Variants in FREM1 observed in about 807,000 individuals in gnomAD.
FREM1 encodes the protein FRAS1 related extracellular matrix 1.
A neutral mutation model predicts 210.1 loss-of-function variants in FREM1; 220 were observed. That is an observed-to-expected ratio of 1.05 (90% confidence interval 0.94 to 1.17). The LOEUF (loss-of-function observed/expected upper bound fraction) is 1.17. Among genes scored for constraint, FREM1 ranks in the 50% most tolerant of loss-of-function variants. The pLI, the probability that FREM1 is intolerant of heterozygous loss-of-function variation, is 0.00. For missense variants in FREM1, 3,454 were observed against 2,675.5 expected (o/e 1.29, Z -6.42); for synonymous variants, 1,189 against 980.2 (o/e 1.21, Z -3.98).
chr9:14,818,980 G>A lies in FREM1; in HGVS notation c.2546+254C>T, dbSNP rs753092459. On this transcript the variant is annotated intron_variant, in intron 14 of 36. Transcript: ENST00000380880. The stretch of plus-strand genomic sequence containing the variant: ...CAGTTACTGCCAATTTAATATTCAC[G>A]GCAATTAAATTTTTATTGTTCAAAT... Among the ~76,000 whole-genome samples the A allele has an allele frequency of 4.6e-5, 7 of 152,056 alleles. 1 individual carries two copies. The highest frequency in any genetic ancestry group is 3.4e-3 in the Middle Eastern group (1 of 294).
Position 14,842,353 on chromosome 9 carries a change from A to T in FREM1, c.1701T>A (p.Ala567=). 1.2e-6 allele frequency: 2 copies of T among 1,604,400 alleles called. No homozygotes were observed. Among genetic ancestry groups the T allele is most frequent in the Non-Finnish European group, 1.7e-6 (2 of 1,173,920 alleles). The change falls in exon 9 of 37, where the codon GCT becomes GCA. Residue 567 remains alanine, a synonymous_variant. Coordinates refer to ENST00000380880, the MANE Select transcript of FREM1 (RefSeq NM_001379081.2). Reference sequence around the variant, plus strand: ...GCCCTGGCTTCTTCATGATCTCCCCAGCCTGTGGAGGCTTTGTGATATTGA... The same window carrying T: ...GCCCTGGCTTCTTCATGATCTCCCCTGCCTGTGGAGGCTTTGTGATATTGA... ...IFFNITKPPQ[A]GEIMKKPGPG...
At chr9:14,797,269 T>C (rs955278600) in intron 21 of FREM1, among the ~76,000 whole-genome samples, 1 of 152,210 alleles carries the variant, frequency 6.6e-6, no homozygotes, top group African/African-American at 2.4e-5. Context: ...TACAACTAAT[T>C]AGTATGTTTA....
At chr9:14,760,834 A>G (rs1243679547) in intron 27 of FREM1, among the ~76,000 whole-genome samples, 1 of 152,046 alleles carries the variant, frequency 6.6e-6, no homozygotes, top group Non-Finnish European at 1.5e-5. Flanking sequence ...ACCCAGAAAC[A>G]TTTTCCTTTT....
chr9:14,813,658 C>T lies in FREM1; in HGVS notation c.2641-594G>A, dbSNP rs781059523. 7.2e-5 allele frequency among the ~76,000 whole-genome samples: 11 copies of T among 152,142 alleles called. No individual in the cohort carries two copies. The South Asian group carries it at 1.0e-3, about 14-fold the overall frequency. On this transcript the variant is annotated intron_variant, in intron 15 of 36. Coordinates refer to ENST00000380880, the MANE Select transcript of FREM1 (RefSeq NM_001379081.2). ...ACAAAATGTTTTTCTCTCACTTTCA[C>T]GAAAATAAAACTCCAAGTAAAAAGG... is the stretch of plus-strand genomic sequence containing the variant.
At chr9:14,774,151 C>T (rs773905946) in intron 25 of FREM1, 1 of 518,908 alleles carries the variant, frequency 1.9e-6, no homozygotes. Context: ...GCCAAGGACT[C>T]ATCCAGCATC....
At chr9:14,901,886 C>T (rs1209973792) in intron 1 of FREM1, among the ~76,000 whole-genome samples, 1 of 152,122 alleles carries the variant, frequency 6.6e-6, no homozygotes, top group Non-Finnish European at 1.5e-5. Context: ...GGGTCTCACG[C>T]TGTAGCCCAG....
chr9:14,830,009 C>G (rs896592613), intron 10 of FREM1, among the ~76,000 whole-genome samples: 2 of 151,858 alleles, frequency 1.3e-5, no homozygotes, highest in African/African-American at 4.8e-5. Flanking sequence ...TGAAACATGC[C>G]CAGAGGAGAG....
At chr9:14,787,298 C>T (rs1217937540) in intron 23 of FREM1, among the ~76,000 whole-genome samples, 1 of 152,026 alleles carries the variant, frequency 6.6e-6, no homozygotes, top group African/African-American at 2.4e-5. Context: ...AAAAACTGTA[C>T]AGTGACAAAA....
At chr9:14,814,491 A>G (rs1819947323) in intron 15 of FREM1, among the ~76,000 whole-genome samples, 2 of 152,218 alleles carry the variant, frequency 1.3e-5, no homozygotes, top group African/African-American at 4.8e-5. Context: ...TAAAACAAAT[A>G]TACATGAAAT....
chr9:14,823,454 G>A, intron 12 of FREM1, 127 bp from the exon 13 acceptor site: 2 of 793,106 alleles, frequency 2.5e-6, no homozygotes, highest in African/African-American at 1.7e-5. Context: ...TCACTTTGAA[G>A]ATTACCAAAA....
intron 36 of FREM1, among the ~76,000 whole-genome samples, chr9:14,739,463 T>TATATATATATATATATATATATATTC (rs58425457): frequency 7.2e-6 from 1 of 138,324 alleles, no homozygotes; most frequent in African/African-American, 2.7e-5. Flanking sequence ...TATATATATA[T>TATATATATATATATATATATATATTC]ATATATATAT....
chr9:14,770,389 T>C (rs544951331), intron 26 of FREM1, among the ~76,000 whole-genome samples: 2 of 152,252 alleles, frequency 1.3e-5, no homozygotes, highest in African/African-American at 2.4e-5. Flanking sequence ...AAATAAACAG[T>C]TGTATATCAG....
chr9:14,864,123 T>A (rs1330612792), intron 2 of FREM1, among the ~76,000 whole-genome samples: 1 of 152,190 alleles, frequency 6.6e-6, no homozygotes, highest in African/African-American at 2.4e-5. Context: ...ATCTAAGTTG[T>A]GAAAACCAAA....
chr9:14,837,267 C>A (rs1366623724), intron 10 of FREM1, among the ~76,000 whole-genome samples: 1 of 152,158 alleles, frequency 6.6e-6, no homozygotes, highest in African/African-American at 2.4e-5. Flanking sequence ...TCAGACACCA[C>A]CTCCTCCAGC....
chr9:14,904,529 C>T (rs769964991), intron 1 of FREM1, among the ~76,000 whole-genome samples: 13 of 151,170 alleles, frequency 8.6e-5, no homozygotes, highest in South Asian at 4.2e-4. Context: ...GATCTGCTTT[C>T]GCAGCACTTT....
intron 1 of FREM1, among the ~76,000 whole-genome samples, chr9:14,888,298 T>C (rs1410851417): frequency 6.6e-6 from 1 of 152,172 alleles, no homozygotes; most frequent in Non-Finnish European, 1.5e-5. Context: ...CCTGGTTTTG[T>C]CCAACTCCAA....
chr9:14,737,645 T>C, intron 36 of FREM1, 50 bp from the exon 37 acceptor site: 1 of 1,350,884 alleles, frequency 7.4e-7, no homozygotes, highest in Non-Finnish European at 9.8e-7. Flanking sequence ...CGTTTATACT[T>C]AGATATCATA....
intron 24 of FREM1, among the ~76,000 whole-genome samples, chr9:14,783,485 C>A (rs749570576): frequency 4.9e-4 from 75 of 152,288 alleles, no homozygotes; most frequent in Middle Eastern, 6.8e-3. Context: ...GCTCTCCAGG[C>A]CTCCTTCTGA....
At chr9:14,857,442 C>T in intron 5 of FREM1, 111 bp downstream of exon 5, 1 of 955,630 alleles carries the variant, frequency 1.0e-6, no homozygotes, top group Non-Finnish European at 1.7e-6. Flanking sequence ...CAGTTTTACC[C>T]CCAAAAGCAC....
Sources: allele counts gnomAD v4.1 joint callset (sites outside exome capture counted in the v4.1 genomes callset), GRCh38; gene constraint gnomAD v4.1.1; transcripts MANE v1.5; gene names NCBI Gene and HGNC (gene_info 2026-07-23, HGNC 2026-07-21).